OLFML2B: variants seen among roughly 807,000 people sequenced by gnomAD.
OLFML2B encodes the protein olfactomedin like 2B, also known as olfactomedin-like protein 2B.
OLFML2B carries 57 observed loss-of-function variants against 74.9 expected under a neutral mutation model. The ratio of observed to expected loss-of-function variants is 0.76; its 90% CI spans 0.61 to 0.95. The LOEUF (loss-of-function observed/expected upper bound fraction) is 0.95, where lower values mean the gene tolerates loss of function less well. OLFML2B is among the 40% of genes least tolerant of loss of function. OLFML2B has a pLI of 0.00. For synonymous variants in OLFML2B, 388 were observed against 405.8 expected, an observed-to-expected ratio of 0.96 and a Z score of 0.53; for missense variants, 986 against 970.6, an observed-to-expected ratio of 1.02 and a Z score of -0.21.
At chr1:162,014,031 C>G (rs1690466202) in intron 3 of OLFML2B, among the ~76,000 whole-genome samples, 1 of 151,014 alleles carries the variant, frequency 6.6e-6, no homozygotes, top group Non-Finnish European at 1.5e-5. Flanking sequence ...TAAAGAAAAA[C>G]AAGGAAAATG....
chr1:162,017,117 C>T (rs895115296), intron 3 of OLFML2B, among the ~76,000 whole-genome samples: 2 of 151,880 alleles, frequency 1.3e-5, no homozygotes, highest in African/African-American at 4.8e-5. Flanking sequence ...GTTCTGAGGT[C>T]CCTGGAAGTC....
At chr1:162,005,883 T>C (rs1375633913) in intron 4 of OLFML2B, among the ~76,000 whole-genome samples, 2 of 118,044 alleles carry the variant, frequency 1.7e-5, no homozygotes, top group East Asian at 2.6e-4. Flanking sequence ...CCAGCCTTGG[T>C]GGCAGAGCTG....
At chr1:162,012,825 A>C (rs1690429267) in intron 3 of OLFML2B, among the ~76,000 whole-genome samples, 1 of 152,194 alleles carries the variant, frequency 6.6e-6, no homozygotes, top group Non-Finnish European at 1.5e-5. Context: ...TTTCTTCATA[A>C]AATTTGCAAA....
intron 5 of OLFML2B, 70 bp downstream of exon 5, chr1:162,000,043 C>A (rs1690037133): frequency 3.3e-6 from 4 of 1,215,868 alleles, no homozygotes; most frequent in Non-Finnish European, 4.7e-6. Context: ...AGGAATCCAG[C>A]CCACTATGGT....
Position 161,984,963 on chromosome 1 carries a change from G to C in OLFML2B, c.1492C>G (p.Leu498Val), listed in dbSNP as rs368595273. The change falls in exon 7 of 8, where the codon CTC (leucine) becomes GTC (valine). Residue 498 changes from leucine (L) to valine (V), a missense_variant. By Grantham distance (32) the Leu-to-Val change is conservative. Transcript: ENST00000294794. The stretch of plus-strand genomic sequence containing the variant: ...GTGGTCGGCCCCGTGATTGTGGAGA[G>C]AGTGTCCTTGCACCTTCCTGGTGGA... ...RNVIGRCKDT[L>V]STITGPTTQN... 1.9e-6 allele frequency: 3 copies of C among 1,609,790 alleles called. No homozygotes were observed. Among genetic ancestry groups the C allele is most frequent in the Non-Finnish European group, 2.5e-6 (3 of 1,178,736 alleles).
chr1:162,007,574 A>G (rs1690269296), intron 3 of OLFML2B, among the ~76,000 whole-genome samples: 1 of 152,198 alleles, frequency 6.6e-6, no homozygotes, highest in Non-Finnish European at 1.5e-5. Flanking sequence ...GCAATGATGT[A>G]AAATAGAGGA....
rs753318542 is a variant in OLFML2B at position 161,984,874 on chromosome 1, C to T, written c.1581G>A (p.Arg527=). The change falls in exon 7 of 8, where the codon CGG becomes CGA. Residue 527 remains arginine (R), a synonymous_variant. Coordinates refer to ENST00000294794, the MANE Select transcript of OLFML2B (RefSeq NM_015441.3). The part of the protein sequence containing the change: ...WMKDPLAKDE[R]IYVTNYYYGN... ...CGTAGTAATAGTTGGTTACGTAAAT[C>T]CGCTCATCCTTGGCCAGGGGGTCCT... is the stretch of plus-strand genomic sequence containing the variant. 1 of 1,612,856 alleles carries T rather than the reference C, an allele frequency of 6.2e-7. No homozygotes were observed. Among genetic ancestry groups the T allele is most frequent in the Non-Finnish European group, 8.5e-7 (1 of 1,179,818 alleles).
At chr1:162,009,628 C>T (rs763990099) in intron 3 of OLFML2B, among the ~76,000 whole-genome samples, 2 of 152,178 alleles carry the variant, frequency 1.3e-5, no homozygotes, top group Non-Finnish European at 2.9e-5. Context: ...CAGTTTATTC[C>T]CCTCACGGGA....
chr1:162,015,233 G>C (rs1690498293), intron 3 of OLFML2B, among the ~76,000 whole-genome samples: 1 of 152,186 alleles, frequency 6.6e-6, no homozygotes, highest in Non-Finnish European at 1.5e-5. Context: ...GCAAAAACGA[G>C]GTTACTGTGT....
At chr1:162,007,456 T>G (rs1690266442) in intron 3 of OLFML2B, among the ~76,000 whole-genome samples, 1 of 152,182 alleles carries the variant, frequency 6.6e-6, no homozygotes, top group Non-Finnish European at 1.5e-5. Flanking sequence ...TTTAAAGAGA[T>G]TTGACTATAT....
chr1:162,006,683 G>A (rs12093822), intron 3 of OLFML2B, among the ~76,000 whole-genome samples: 18,508 of 152,050 alleles, frequency 0.12, 1,374 homozygotes, highest in African/African-American at 0.2. Context: ...CTCAGCGCTT[G>A]GATATCCAAC....
At chr1:162,019,797 C>A (rs1302877435) in intron 2 of OLFML2B, 122 bp downstream of exon 2, 1 of 1,222,912 alleles carries the variant, frequency 8.2e-7, no homozygotes. Flanking sequence ...CCACACACAG[C>A]ACTCTAGGGA....
intron 1 of OLFML2B, among the ~76,000 whole-genome samples, chr1:162,021,718 G>C (rs867372361): frequency 3.3e-5 from 5 of 152,144 alleles, no homozygotes; most frequent in Admixed American, 2.0e-4. Flanking sequence ...TGTTCTTTAC[G>C]GGCTGATAGT....
chr1:162,020,626 A>T (rs145642624), intron 1 of OLFML2B, among the ~76,000 whole-genome samples: 73 of 151,946 alleles, frequency 4.8e-4, no homozygotes, highest in African/African-American at 1.5e-3. Context: ...TCCCAGGTTC[A>T]AGTGATTCTC....
intron 2 of OLFML2B, among the ~76,000 whole-genome samples, chr1:162,018,771 C>T (rs1398888719): frequency 6.6e-6 from 1 of 152,204 alleles, no homozygotes; most frequent in Admixed American, 6.5e-5. Flanking sequence ...ATCTCAGAGC[C>T]TAGCTTCTAC....
intron 3 of OLFML2B, among the ~76,000 whole-genome samples, chr1:162,013,160 T>C (rs1453126326): frequency 1.3e-5 from 2 of 152,198 alleles, no homozygotes; most frequent in East Asian, 3.9e-4. Flanking sequence ...GTTTTCTTTC[T>C]AGACTTTTAA....
At chr1:162,013,004 T>C (rs887660178) in intron 3 of OLFML2B, among the ~76,000 whole-genome samples, 1 of 152,194 alleles carries the variant, frequency 6.6e-6, no homozygotes, top group African/African-American at 2.4e-5. Context: ...GCCTTCAGAA[T>C]CCACCTTTAG....
At chr1:162,001,214 T>C (rs1301963907) in intron 4 of OLFML2B, among the ~76,000 whole-genome samples, 1 of 152,220 alleles carries the variant, frequency 6.6e-6, no homozygotes, top group Non-Finnish European at 1.5e-5. Context: ...TCCCCAAGCC[T>C]CATTTTGTGC....
chr1:162,022,260 T>TTTTTATTTATTTTTTTTTTTTTTTC (rs1553251576), intron 1 of OLFML2B, among the ~76,000 whole-genome samples: 1 of 127,826 alleles, frequency 7.8e-6, no homozygotes, highest in African/African-American at 3.2e-5. Flanking sequence ...TTTTTTTTTT[T>TTTTTATTTATTTTTTTTTTTTTTTC]TTTTTTTTGA....
Sources: gnomAD v4.1 joint callset for allele counts (sites outside exome capture counted in the v4.1 genomes callset) on GRCh38, gnomAD v4.1.1 for gene constraint, MANE v1.5 for transcripts, NCBI Gene and HGNC (gene_info 2026-07-23, HGNC 2026-07-21) for gene names.